The following AUTS2 variants were observed in gnomAD, a reference collection of about 807,000 sequenced individuals.
The protein encoded by AUTS2 is activator of transcription and developmental regulator AUTS2.
In AUTS2, 17 loss-of-function variants were observed where a neutral mutation model predicts 112.4. That is an observed-to-expected ratio of 0.15 (90% CI 0.10 to 0.23). The LOEUF is 0.23. Ranked by LOEUF, AUTS2 falls within the 10% of genes least tolerant of loss-of-function variation. The pLI is 1.00. For synonymous variants in AUTS2, 751 were observed against 702.7 expected (o/e 1.07, Z -1.09); for missense variants, 1,510 against 1,701.6 (o/e 0.89, Z 1.98).
At position 70,771,575 on chromosome 7, in the gene AUTS2, G is replaced by A. The variant is rs1790342271; in HGVS notation, c.1761G>A (p.Val587=). ...TCTTCCATTCCTATCCTCCTGCAGT[G>A]TCGGGCATCCCCCCTATGATCCCAC... ...HSLFHSYPPA[V]SGIPPMIPPT... The change falls in exon 11 of 19, where the codon GTG becomes GTA. Residue 587 remains valine (V), a synonymous_variant. Coordinates refer to ENST00000342771, the MANE Select transcript of AUTS2 (RefSeq NM_015570.4). The A allele has an allele frequency of 6.2e-7, 1 of 1,612,900 alleles. No homozygotes were observed. The highest frequency in any genetic ancestry group is 1.7e-5 in the Admixed American group (1 of 59,992).
At chr7:70,209,635 A>G (rs1411687291) in intron 4 of AUTS2, among the ~76,000 whole-genome samples, 1 of 152,212 alleles carries the variant, frequency 6.6e-6, no homozygotes, top group Non-Finnish European at 1.5e-5. Context: ...TAACACAAGC[A>G]TGGATCATGG....
chr7:70,702,529 G>A (rs758025374), intron 6 of AUTS2, among the ~76,000 whole-genome samples: 2 of 152,136 alleles, frequency 1.3e-5, no homozygotes, highest in East Asian at 1.9e-4. Context: ...GGTACTCCTG[G>A]GGAAAAGCCT....
At chr7:70,024,772 G>C (rs866425745) in intron 2 of AUTS2, among the ~76,000 whole-genome samples, 36 of 152,094 alleles carry the variant, frequency 2.4e-4, no homozygotes, top group Non-Finnish European at 2.6e-4. Flanking sequence ...GCAGTCTTGA[G>C]GCAAAATCTC....
chr7:70,012,833 A>G (rs138179332), intron 2 of AUTS2, among the ~76,000 whole-genome samples: 5 of 152,314 alleles, frequency 3.3e-5, no homozygotes, highest in African/African-American at 1.2e-4. Context: ...TTGTATTTAT[A>G]ATTTATTTCT....
At chr7:69,615,904 C>G (rs935413719) in intron 1 of AUTS2, among the ~76,000 whole-genome samples, 1 of 152,200 alleles carries the variant, frequency 6.6e-6, no homozygotes, top group East Asian at 1.9e-4. Context: ...GGCATTAAAT[C>G]GTCTTTAGTT....
chr7:70,322,444 T>A (rs903593573), intron 4 of AUTS2, among the ~76,000 whole-genome samples: 32 of 152,174 alleles, frequency 2.1e-4, no homozygotes, highest in Non-Finnish European at 1.5e-5. Context: ...CTGTAGCTCC[T>A]ACATGCCAAA....
intron 4 of AUTS2, among the ~76,000 whole-genome samples, chr7:70,305,330 G>A (rs2129614334): frequency 6.6e-6 from 1 of 151,754 alleles, no homozygotes; most frequent in East Asian, 1.9e-4. Flanking sequence ...ATATATGAAG[G>A]TACCCACTGA....
chr7:69,681,117 T>G (rs1796773272), intron 1 of AUTS2, among the ~76,000 whole-genome samples: 1 of 152,246 alleles, frequency 6.6e-6, no homozygotes, highest in Non-Finnish European at 1.5e-5. Flanking sequence ...ACTGTTCCAT[T>G]GAATGTATAT....
At position 70,334,842 on chromosome 7, in the gene AUTS2, T is replaced by A. The variant is rs376986696; in HGVS notation, c.661-100910T>A. Among the ~76,000 whole-genome samples, 5 of 152,184 alleles carry A rather than the reference T, an allele frequency of 3.3e-5. No individual in the cohort carries two copies. In the South Asian group the frequency reaches 6.2e-4, roughly 19 times the overall value. ...ACATAAAATTGAGAGGTGAGCCAAC[T>A]TTTTTGTTGGTTTATTTCTAGTTAT... On this transcript the variant is annotated intron_variant, in intron 4 of 18. Transcript: ENST00000342771.
chr7:70,598,216 CT>C (rs1803296435), intron 5 of AUTS2, among the ~76,000 whole-genome samples: 1 of 152,270 alleles, frequency 6.6e-6, no homozygotes, highest in South Asian at 2.1e-4. Context: ...TTTTTCCCCT[CT>C]CCCCTAGTCC....
intron 4 of AUTS2, among the ~76,000 whole-genome samples, chr7:70,308,654 G>C (rs919537962): frequency 8.5e-5 from 13 of 152,180 alleles, no homozygotes; most frequent in African/African-American, 3.1e-4. Context: ...TTAGAACAGT[G>C]CTTAACATAT....
At chr7:69,971,340 T>A (rs1187362992) in intron 2 of AUTS2, among the ~76,000 whole-genome samples, 1 of 152,224 alleles carries the variant, frequency 6.6e-6, no homozygotes, top group Non-Finnish European at 1.5e-5. Context: ...ATCTATTAAA[T>A]GAGGAGTATT....
chr7:70,049,952 T>C (rs1182556652), intron 2 of AUTS2, among the ~76,000 whole-genome samples: 3 of 152,182 alleles, frequency 2.0e-5, no homozygotes, highest in African/African-American at 7.2e-5. Context: ...TATATGAAGA[T>C]ACATAGGAAG....
intron 1 of AUTS2, among the ~76,000 whole-genome samples, chr7:69,659,652 G>A (rs534574737): frequency 8.0e-6 from 1 of 125,426 alleles, no homozygotes; most frequent in South Asian, 2.7e-4. Flanking sequence ...TGGCTTTCCC[G>A]AAGTTTTACA....
intron 6 of AUTS2, among the ~76,000 whole-genome samples, chr7:70,731,681 G>A (rs571826486): frequency 5.9e-4 from 90 of 151,678 alleles, no homozygotes; most frequent in African/African-American, 2.1e-3. Flanking sequence ...CACCCACCTC[G>A]GCCTCCCAGA....
intron 6 of AUTS2, among the ~76,000 whole-genome samples, chr7:70,733,592 T>C (rs1311849314): frequency 6.8e-6 from 1 of 148,064 alleles, no homozygotes; most frequent in Non-Finnish European, 1.5e-5. Context: ...ACGTTAGTTT[T>C]TTGGGTTTTT....
chr7:70,090,386 C>T (rs776110517), intron 2 of AUTS2, among the ~76,000 whole-genome samples: 6 of 150,940 alleles, frequency 4.0e-5, no homozygotes, highest in East Asian at 1.9e-4. Context: ...TTTCTTGAGA[C>T]GAAGTCTTGC....
chr7:70,754,586 G>A (rs1347059535), intron 6 of AUTS2, among the ~76,000 whole-genome samples: 1 of 152,234 alleles, frequency 6.6e-6, no homozygotes, highest in African/African-American at 2.4e-5. Flanking sequence ...GATTGCCAGT[G>A]TTTAAACATT....
chr7:69,712,431 G>A (rs931313329), intron 1 of AUTS2, among the ~76,000 whole-genome samples: 2 of 151,028 alleles, frequency 1.3e-5, no homozygotes, highest in Non-Finnish European at 3.0e-5. Flanking sequence ...TATCATTGTA[G>A]ATTAATTGAC....
Sources: gnomAD v4.1 joint callset for allele counts (sites outside exome capture counted in the v4.1 genomes callset) on GRCh38, gnomAD v4.1.1 for gene constraint, MANE v1.5 for transcripts, NCBI Gene and HGNC (gene_info 2026-07-23, HGNC 2026-07-21) for gene names.